PLIN1: variants seen among roughly 807,000 people sequenced by gnomAD.
PLIN1 encodes the protein perilipin 1.
A neutral mutation model predicts 45.8 loss-of-function variants in PLIN1; 37 were observed. The ratio of observed to expected loss-of-function variants is 0.81; its 90% CI spans 0.62 to 1.06. PLIN1 has a LOEUF of 1.06. Among genes scored for constraint, PLIN1 ranks in the 50% least tolerant of loss-of-function variants. The pLI is 0.00. For missense variants in PLIN1, 776 were observed against 716.5 expected (o/e 1.08, Z -0.95); for synonymous variants, 340 against 309.2 (o/e 1.10, Z -1.05).
intron 3 of PLIN1, 87 bp from the exon 4 acceptor site, chr15:89,671,651 A>G: frequency 9.9e-7 from 1 of 1,014,934 alleles, no homozygotes; most frequent in Non-Finnish European, 1.5e-6. Context: ...AGTGACTTGG[A>G]GCCCTCAAAT....
chr15:89,665,975 C>T, intron 8 of PLIN1, 33 bp from the exon 9 acceptor site: 1 of 1,455,160 alleles, frequency 6.9e-7, no homozygotes, highest in Non-Finnish European at 9.1e-7. Flanking sequence ...AGAGTCCTGG[C>T]TTGGCCCTGG....
chr15:89,669,620 G>C lies in PLIN1; in HGVS notation c.651C>G (p.Ser217Arg). The C allele has an allele frequency of 1.9e-6, 3 of 1,614,022 alleles. No individual in the cohort carries two copies. The highest frequency in any genetic ancestry group is 2.5e-6 in the Non-Finnish European group (3 of 1,179,928). ...TCAGAGCCCCAACCCTGCTCAAGAG[G>C]CTTGGCTTGGCCTTGGGAGACTTCT... ...QAQKSPKAKP[S>R]LLSRVGALTN... Residue 217 changes from serine to arginine, a missense_variant, in exon 6 of 9, where the codon AGC (serine) becomes AGG (arginine). Physicochemically the swap from Ser to Arg is moderately radical, Grantham distance 110. Coordinates refer to ENST00000300055, the MANE Select transcript of PLIN1 (RefSeq NM_002666.5).
intron 8 of PLIN1, among the ~76,000 whole-genome samples, chr15:89,666,198 A>G (rs913884142): frequency 6.6e-6 from 1 of 152,180 alleles, no homozygotes; most frequent in African/African-American, 2.4e-5. Context: ...GGCCTTCCTG[A>G]GGGGAACCCT....
intron 8 of PLIN1, among the ~76,000 whole-genome samples, chr15:89,666,479 C>T (rs564891092): frequency 1.3e-5 from 2 of 152,302 alleles, no homozygotes; most frequent in African/African-American, 2.4e-5. Context: ...GCATTGGTAT[C>T]CCCTGGGTTT....
chr15:89,665,951 C>T lies in PLIN1; in HGVS notation c.1210-9G>A, dbSNP rs1964333217. 6.7e-7 allele frequency: 1 copy of T among 1,486,932 alleles called. No individual in the cohort carries two copies. The allele number at this position is 1,486,932 out of a possible 1,614,324, so 92.1% of individuals were successfully genotyped here. Reference sequence around the variant, plus strand: ...AGCGACAGCCTGGGGAGCTGAGGGCCCGGCAGCCGCCTTAGAGTCCTGGCT... The same window carrying T: ...AGCGACAGCCTGGGGAGCTGAGGGCTCGGCAGCCGCCTTAGAGTCCTGGCT... On this transcript the variant is annotated splice_polypyrimidine_tract_variant and intron_variant, in intron 8 of 8. Transcript: ENST00000300055.
chr15:89,667,994 G>T (rs1437451676), intron 6 of PLIN1, among the ~76,000 whole-genome samples: 1 of 152,152 alleles, frequency 6.6e-6, no homozygotes, highest in Non-Finnish European at 1.5e-5. Context: ...TAAGCTCTAT[G>T]AATTTTTATA....
In PLIN1 at chr15:89,665,415, A is replaced by T. The variant is rs1034093476; in HGVS notation, c.*168T>A. 2 of 492,020 alleles carry T rather than the reference A, an allele frequency of 4.1e-6. No homozygotes were observed. Among genetic ancestry groups the T allele is most frequent in the East Asian group, 6.9e-5 (2 of 29,150 alleles). 30.5% of individuals were successfully genotyped at this position (492,020 alleles called of 1,614,324 possible). ...GCCCCAAAAGGATGCTAAAAAAAAA[A>T]TAAAAATAAAATAAAAATAAAAAGT... On this transcript the variant is annotated 3_prime_UTR_variant, in exon 9 of 9. Transcript: ENST00000300055.
intron 2 of PLIN1, 54 bp downstream of exon 2, chr15:89,677,391 T>C (rs1555427066): frequency 7.0e-7 from 1 of 1,418,618 alleles, no homozygotes; most frequent in South Asian, 1.1e-5. Flanking sequence ...TCCCTGCTTC[T>C]TCCTCCTCCC....
At position 89,664,791 on chromosome 15, in the gene PLIN1, A is replaced by G. The variant is rs142143578; in HGVS notation, c.*792T>C. 1.1e-4 allele frequency: 48 copies of G among 437,996 alleles called. No homozygotes were observed. The highest frequency in any genetic ancestry group is 7.9e-4 in the African/African-American group (39 of 49,460). The allele number at this position is 437,996 out of a possible 1,614,324, so 27.1% of individuals were successfully genotyped here. On this transcript the variant is annotated 3_prime_UTR_variant, in exon 9 of 9. Coordinates refer to ENST00000300055, the MANE Select transcript of PLIN1 (RefSeq NM_002666.5). The stretch of plus-strand genomic sequence containing the variant: ...AATGCATTTTCTAGATTTATCAAAT[A>G]TTAACATTTCGAAGACTAGGGTTGG...
intron 2 of PLIN1, among the ~76,000 whole-genome samples, chr15:89,673,910 T>C (rs1964478754): frequency 6.6e-6 from 1 of 152,198 alleles, no homozygotes; most frequent in Non-Finnish European, 1.5e-5. Context: ...CAGAATGCCA[T>C]TCCTTCAAGA....
chr15:89,668,665 G>A (rs558401660), intron 6 of PLIN1, among the ~76,000 whole-genome samples: 56 of 152,196 alleles, frequency 3.7e-4, no homozygotes, highest in Non-Finnish European at 6.9e-4. Context: ...CATGCGAATG[G>A]TGGCACGTGA....
chr15:89,678,395 A>T (rs1964551421), intron 1 of PLIN1, among the ~76,000 whole-genome samples: 1 of 151,860 alleles, frequency 6.6e-6, no homozygotes, highest in Non-Finnish European at 1.5e-5. Context: ...CTGTAATCCC[A>T]GCTACTTGGG....
In PLIN1 at chr15:89,665,534, T is replaced by C; in HGVS notation, c.*49A>G. ...GCCTGGGCAGTGCGGGTTCTGTTTA[T>C]TTGTTAGAGAAACCCGCCGGCCCGG... On this transcript the variant is annotated 3_prime_UTR_variant, in exon 9 of 9. Coordinates refer to ENST00000300055, the MANE Select transcript of PLIN1 (RefSeq NM_002666.5). 3.3e-6 allele frequency: 5 copies of C among 1,515,384 alleles called. No homozygotes were observed. The highest frequency in any genetic ancestry group is 4.4e-6 in the Non-Finnish European group (5 of 1,133,014). The allele number at this position is 1,515,384 out of a possible 1,614,324, so 93.9% of individuals were successfully genotyped here.
chr15:89,667,465 G>A (rs998070644), intron 7 of PLIN1, 137 bp downstream of exon 7: 1 of 1,348,352 alleles, frequency 7.4e-7, no homozygotes, highest in African/African-American at 1.4e-5. Flanking sequence ...CTGGGCATTT[G>A]GGGGTGGGGT....
chr15:89,665,530 T>C lies in PLIN1; in HGVS notation c.*53A>G, dbSNP rs1263600790. On this transcript the variant is annotated 3_prime_UTR_variant, in exon 9 of 9. Coordinates refer to ENST00000300055, the MANE Select transcript of PLIN1 (RefSeq NM_002666.5). ...GCTCGCCTGGGCAGTGCGGGTTCTGTTTATTTGTTAGAGAAACCCGCCGGC... is the reference window on the plus strand; with the variant it reads ...GCTCGCCTGGGCAGTGCGGGTTCTGCTTATTTGTTAGAGAAACCCGCCGGC... The C allele has an allele frequency of 1.3e-6, 2 of 1,511,436 alleles. No individual in the cohort carries two copies. Among genetic ancestry groups the C allele is most frequent in the East Asian group, 5.1e-5 (2 of 39,194 alleles). 93.6% of individuals were successfully genotyped at this position (1,511,436 alleles called of 1,614,324 possible).
At chr15:89,672,677 G>A (rs1184730424) in intron 3 of PLIN1, among the ~76,000 whole-genome samples, 1 of 152,238 alleles carries the variant, frequency 6.6e-6, no homozygotes, top group Non-Finnish European at 1.5e-5. Flanking sequence ...CATCTGGTAA[G>A]GCCAGTAGGA....
chr15:89,665,791 C>G lies in PLIN1; in HGVS notation c.1361G>C (p.Arg454Pro). 1 of 1,297,674 alleles carries G rather than the reference C, an allele frequency of 7.7e-7. No individual in the cohort carries two copies. The allele number at this position is 1,297,674 out of a possible 1,614,324, so 80.4% of individuals were successfully genotyped here. A position where few individuals can be genotyped will look rare whatever the true frequency, so the allele number is the denominator to read the frequency against. The change falls in exon 9 of 9, where the codon CGC (arginine) becomes CCC (proline). Residue 454 changes from arginine (R) to proline (P), a missense_variant. Arg to Pro is a moderately radical substitution (Grantham distance 103). Coordinates refer to ENST00000300055, the MANE Select transcript of PLIN1 (RefSeq NM_002666.5). ...EPAPRLAQPR[R>P]SLRSAQSPGA... ...GGGGCTCTGCGCGCTGCGCAGGCTG[C>G]GGCGGGGCTGTGCGAGACGCGGGGC... is the stretch of plus-strand genomic sequence containing the variant.
chr15:89,664,934 G>A lies in PLIN1; in HGVS notation c.*649C>T, dbSNP rs1268102233. 1 of 455,968 alleles carries A rather than the reference G, an allele frequency of 2.2e-6. No individual in the cohort carries two copies. The highest frequency in any genetic ancestry group is 4.4e-6 in the Non-Finnish European group (1 of 226,806). 28.2% of individuals were successfully genotyped at this position (455,968 alleles called of 1,614,324 possible). On this transcript the variant is annotated 3_prime_UTR_variant, in exon 9 of 9. Coordinates refer to ENST00000300055, the MANE Select transcript of PLIN1 (RefSeq NM_002666.5). The stretch of plus-strand genomic sequence containing the variant: ...GATGCAAATGGAAATGTGGCTGTGA[G>A]CAAGCAGCTGGCTCTACAAAGCACA...
chr15:89,673,507 T>C, intron 2 of PLIN1, 93 bp from the exon 3 acceptor site: 1 of 1,019,122 alleles, frequency 9.8e-7, no homozygotes, highest in Non-Finnish European at 1.5e-6. Flanking sequence ...ATGGTGCAAC[T>C]AGCCTGAGTC....
Sources: allele counts gnomAD v4.1 joint callset (sites outside exome capture counted in the v4.1 genomes callset), GRCh38; gene constraint gnomAD v4.1.1; transcripts MANE v1.5; gene names NCBI Gene and HGNC (gene_info 2026-07-23, HGNC 2026-07-21).